PLD5: variants seen among roughly 807,000 people sequenced by gnomAD.
PLD5 encodes the protein phospholipase D family member 5, also known as inactive phospholipase D5.
PLD5 carries 36 observed loss-of-function variants against 61.1 expected under a neutral mutation model. The observed-to-expected ratio is 0.59, with a 90% CI of 0.45 to 0.78. The LOEUF (loss-of-function observed/expected upper bound fraction) is 0.78. Ranked by LOEUF, PLD5 falls within the 30% of genes least tolerant of loss-of-function variation. The probability of loss-of-function intolerance (pLI) is 0.00; values close to 1 mark genes in which losing one functional copy is unlikely to be tolerated. For synonymous variants in PLD5, 243 were observed against 242.8 expected (o/e 1.00, Z -0.01); for missense variants, 515 against 644.4 (o/e 0.80, Z 2.17).
At chr1:242,229,943 C>A (rs1362145320) in intron 4 of PLD5, among the ~76,000 whole-genome samples, 1 of 151,332 alleles carries the variant, frequency 6.6e-6, no homozygotes, top group Non-Finnish European at 1.5e-5. Flanking sequence ...CAATTAGGGT[C>A]CATTCAGTTC....
intron 1 of PLD5, among the ~76,000 whole-genome samples, chr1:242,366,208 T>G (rs193113729): frequency 2.1e-3 from 315 of 152,336 alleles, no homozygotes; most frequent in African/African-American, 7.3e-3. Context: ...TTAGCAAATA[T>G]GTATTTAATG....
chr1:242,370,814 A>G (rs997520252), intron 1 of PLD5, among the ~76,000 whole-genome samples: 7 of 152,160 alleles, frequency 4.6e-5, no homozygotes, highest in African/African-American at 1.7e-4. Flanking sequence ...CAAAATGCCA[A>G]CTGGTCTTTG....
chr1:242,406,430 C>A (rs1664237620), intron 1 of PLD5, among the ~76,000 whole-genome samples: 1 of 152,202 alleles, frequency 6.6e-6, no homozygotes, highest in Admixed American at 6.5e-5. Context: ...AGAAAACAAT[C>A]AACACTTCTC....
intron 7 of PLD5, among the ~76,000 whole-genome samples, chr1:242,112,299 GTGTGTGTGT>G (rs1661569715): frequency 9.9e-6 from 1 of 101,022 alleles, no homozygotes; most frequent in Non-Finnish European, 1.8e-5. Context: ...GTGTGTGTGT[GTGTGTGTGT>G]GTGTGTGTGT....
chr1:242,505,605 G>A (rs1010690269), intron 1 of PLD5, among the ~76,000 whole-genome samples: 9 of 152,188 alleles, frequency 5.9e-5, no homozygotes, highest in East Asian at 1.9e-4. Context: ...GTTCTGCAAC[G>A]TCATCTCATG....
intron 1 of PLD5, among the ~76,000 whole-genome samples, chr1:242,360,676 C>T (rs139082317): frequency 0.021 from 3,216 of 152,036 alleles, 49 homozygotes; most frequent in East Asian, 0.033. Context: ...TGTTAGTGTC[C>T]TTAAATGTTC....
At chr1:242,395,109 A>G (rs1663489533) in intron 1 of PLD5, among the ~76,000 whole-genome samples, 1 of 147,494 alleles carries the variant, frequency 6.8e-6, no homozygotes. Flanking sequence ...ATGTATGTAT[A>G]TGAATATATA....
At chr1:242,470,692 T>C (rs1282070019) in intron 1 of PLD5, among the ~76,000 whole-genome samples, 1 of 152,220 alleles carries the variant, frequency 6.6e-6, no homozygotes, top group Admixed American at 6.5e-5. Context: ...GCAAATGTAA[T>C]TGATATACTG....
chr1:242,422,681 AAC>A (rs1299112954), intron 1 of PLD5, among the ~76,000 whole-genome samples: 1 of 152,148 alleles, frequency 6.6e-6, no homozygotes, highest in Non-Finnish European at 1.5e-5. Context: ...CGGGACTGAG[AAC>A]ACAGTCTTTG....
At chr1:242,406,292 G>GTATTTCTCATTCCT (rs1345158350) in intron 1 of PLD5, among the ~76,000 whole-genome samples, 1 of 152,172 alleles carries the variant, frequency 6.6e-6, no homozygotes, top group African/African-American at 2.4e-5. Context: ...TACTATGCAA[G>GTATTTCTCATTCCT]GAATGAGAAA....
At chr1:242,429,572 C>G (rs1665610669) in intron 1 of PLD5, among the ~76,000 whole-genome samples, 1 of 152,104 alleles carries the variant, frequency 6.6e-6, no homozygotes. Flanking sequence ...ATGCATTTAT[C>G]AACATGGCTG....
intron 5 of PLD5, among the ~76,000 whole-genome samples, chr1:242,169,284 G>A (rs1028475272): frequency 4.6e-5 from 7 of 152,138 alleles, no homozygotes; most frequent in African/African-American, 1.7e-4. Context: ...TGCAGCCCAT[G>A]GAGGGTGAGC....
chr1:242,108,901 C>T lies in PLD5; in HGVS notation c.1071-1062G>A, dbSNP rs144288599. On this transcript the variant is annotated intron_variant, in intron 7 of 9. Coordinates refer to ENST00000536534, the MANE Select transcript of PLD5 (RefSeq NM_001372062.1). ...TCATGATGCCTTCAATCTGCCCGGT[C>T]CATCAGCTCCTCCTGTCTCCCTTGC... is the stretch of plus-strand genomic sequence containing the variant. Among the ~76,000 whole-genome samples the T allele has an allele frequency of 3.0e-3, 451 of 152,304 alleles. 3 individuals are homozygous for T. Among genetic ancestry groups the T allele is most frequent in the Admixed American group, 6.9e-3 (105 of 15,294 alleles).
chr1:242,354,365 G>C (rs1209866285), intron 1 of PLD5, among the ~76,000 whole-genome samples: 3 of 152,268 alleles, frequency 2.0e-5, no homozygotes, highest in African/African-American at 4.8e-5. Context: ...ATTTATCTGA[G>C]TATAAATAAA....
At chr1:242,162,735 G>A (rs1259914750) in intron 5 of PLD5, among the ~76,000 whole-genome samples, 2 of 152,070 alleles carry the variant, frequency 1.3e-5, no homozygotes. Context: ...GTTTTTCCCT[G>A]GCTCAGTTAT....
chr1:242,233,435 T>C (rs910370382), intron 4 of PLD5, among the ~76,000 whole-genome samples: 2 of 152,124 alleles, frequency 1.3e-5, no homozygotes, highest in African/African-American at 4.8e-5. Flanking sequence ...AGAGAGATGT[T>C]CCTCTTACAA....
At chr1:242,167,076 TAGTAATAA>T (rs1666360996) in intron 5 of PLD5, among the ~76,000 whole-genome samples, 1 of 77,392 alleles carries the variant, frequency 1.3e-5, no homozygotes, top group Admixed American at 1.2e-4. Context: ...ACAATAATAA[TAGTAATAA>T]TAATAATAAT....
chr1:242,331,354 A>G (rs1558471672), intron 2 of PLD5, among the ~76,000 whole-genome samples: 1 of 152,158 alleles, frequency 6.6e-6, no homozygotes, highest in African/African-American at 2.4e-5. Context: ...GGAATAAGAA[A>G]CTTGACAGTA....
intron 5 of PLD5, among the ~76,000 whole-genome samples, chr1:242,167,071 A>AATAAT (rs1264898146): frequency 0.017 from 370 of 22,188 alleles, 2 homozygotes; most frequent in African/African-American, 0.055. Flanking sequence ...GAGAGACAAT[A>AATAAT]ATAATAGTAA....
Sources: allele counts gnomAD v4.1 joint callset (sites outside exome capture counted in the v4.1 genomes callset), GRCh38; gene constraint gnomAD v4.1.1; transcripts MANE v1.5; gene names NCBI Gene and HGNC (gene_info 2026-07-23, HGNC 2026-07-21).